GPHN: variants seen among roughly 807,000 people sequenced by gnomAD.
GPHN encodes the protein gephyrin.
A neutral mutation model predicts 95.5 loss-of-function variants in GPHN; 17 were observed. The observed-to-expected ratio is 0.18, with a 90% CI of 0.12 to 0.27. The LOEUF is 0.27. Among genes scored for constraint, GPHN ranks in the 10% least tolerant of loss-of-function variants. GPHN has a pLI of 1.00. For synonymous variants in GPHN, 320 were observed against 322.5 expected, an observed-to-expected ratio of 0.99 and a Z score of 0.08; for missense variants, 660 against 978.1, an observed-to-expected ratio of 0.67 and a Z score of 4.34.
At chr14:67,193,098 AT>A in the GPHN span, among the ~76,000 whole-genome samples, 2 of 144,272 alleles carry the variant, frequency 1.4e-5, no homozygotes, top group Non-Finnish European at 3.0e-5. Context: ...ATATCTCTAT[AT>A]ATCTCTATAT....
intron 3 of GPHN, among the ~76,000 whole-genome samples, chr14:66,810,982 A>G (rs1439786198): frequency 6.6e-6 from 1 of 152,250 alleles, no homozygotes; most frequent in African/African-American, 2.4e-5. Flanking sequence ...TGAAAAACTA[A>G]AAGTAGTTTT....
the GPHN span, among the ~76,000 whole-genome samples, chr14:67,567,710 A>T: frequency 1.3e-5 from 2 of 151,912 alleles, no homozygotes; most frequent in Non-Finnish European, 2.9e-5. Flanking sequence ...CCCCTCTGGG[A>T]TGACACCCTG....
intron 2 of GPHN, among the ~76,000 whole-genome samples, chr14:66,771,916 C>G (rs956816333): frequency 3.9e-5 from 6 of 152,042 alleles, no homozygotes; most frequent in Non-Finnish European, 8.8e-5. Context: ...TGACCACAGG[C>G]TTGCAGCAAT....
intron 16 of GPHN, among the ~76,000 whole-genome samples, chr14:67,120,634 T>C (rs1481722326): frequency 2.6e-5 from 4 of 152,222 alleles, no homozygotes; most frequent in Non-Finnish European, 5.9e-5. Context: ...AAAAATGATA[T>C]AATCACACAT....
chr14:67,545,289 T>A, the GPHN span, among the ~76,000 whole-genome samples: 1 of 152,236 alleles, frequency 6.6e-6, no homozygotes. Flanking sequence ...AGAAGGTTTG[T>A]ACATTTCTAC....
the GPHN span, among the ~76,000 whole-genome samples, chr14:67,436,643 C>A: frequency 6.6e-6 from 1 of 152,220 alleles, no homozygotes; most frequent in Non-Finnish European, 1.5e-5. Flanking sequence ...CTGCCACGCC[C>A]AGTCCTTCCA....
chr14:67,335,772 G>A, the GPHN span: 10 of 152,562 alleles, frequency 6.6e-5, no homozygotes, highest in Admixed American at 5.2e-4. Context: ...ACTGTACACT[G>A]TATTGTAAAA....
chr14:67,586,266 G>C, the GPHN span: 4 of 1,084,650 alleles, frequency 3.7e-6, no homozygotes, highest in African/African-American at 3.1e-5. Flanking sequence ...TTGCATCTCC[G>C]TATCAATGTT....
chr14:67,474,260 C>CAA, the GPHN span, among the ~76,000 whole-genome samples: 39 of 107,596 alleles, frequency 3.6e-4, no homozygotes, highest in African/African-American at 1.5e-3. Flanking sequence ...TCCAAAAAAA[C>CAA]AAAACAAAAA....
the GPHN span, chr14:67,302,311 G>T: frequency 3.7e-6 from 4 of 1,091,536 alleles, no homozygotes; most frequent in Non-Finnish European, 4.9e-6. Flanking sequence ...GATAACTGAA[G>T]GTTAGTATTG....
At chr14:66,567,464 C>T (rs1001241987) in intron 1 of GPHN, among the ~76,000 whole-genome samples, 1 of 152,022 alleles carries the variant, frequency 6.6e-6, no homozygotes, top group Non-Finnish European at 1.5e-5. Flanking sequence ...TTTAAAATTC[C>T]CTAGGGATTT....
At chr14:67,354,170 T>C in the GPHN span, among the ~76,000 whole-genome samples, 1 of 152,210 alleles carries the variant, frequency 6.6e-6, no homozygotes, top group Non-Finnish European at 1.5e-5. Context: ...TTTCCAATAA[T>C]GTAGATTTCT....
chr14:67,025,466 TGA>T (rs2073877548), intron 10 of GPHN, among the ~76,000 whole-genome samples: 1 of 152,156 alleles, frequency 6.6e-6, no homozygotes, highest in African/African-American at 2.4e-5. Context: ...GTTTTGTTAG[TGA>T]GAGTCTTGCT....
At chr14:66,893,147 A>AT (rs1228678043) in intron 5 of GPHN, among the ~76,000 whole-genome samples, 2 of 152,202 alleles carry the variant, frequency 1.3e-5, no homozygotes, top group Non-Finnish European at 2.9e-5. Flanking sequence ...TCATAGCTTC[A>AT]TAACAGATTT....
At chr14:67,436,861 G>A in the GPHN span, among the ~76,000 whole-genome samples, 1 of 152,164 alleles carries the variant, frequency 6.6e-6, no homozygotes, top group Non-Finnish European at 1.5e-5. Flanking sequence ...TTTGAGACCA[G>A]CCTAGGCAAC....
chr14:67,327,679 C>T, the GPHN span, among the ~76,000 whole-genome samples: 1 of 151,986 alleles, frequency 6.6e-6, no homozygotes, highest in Non-Finnish European at 1.5e-5. Flanking sequence ...GTGATGTTCC[C>T]CACCCTGTGT....
chr14:67,468,283 A>G, the GPHN span, among the ~76,000 whole-genome samples: 1 of 152,050 alleles, frequency 6.6e-6, no homozygotes, highest in Admixed American at 6.5e-5. Context: ...CAGTGTTTCA[A>G]TTTGTAAGAC....
At chr14:66,990,864 T>A (rs1011353610) in intron 9 of GPHN, among the ~76,000 whole-genome samples, 1 of 151,584 alleles carries the variant, frequency 6.6e-6, no homozygotes, top group African/African-American at 2.4e-5. Flanking sequence ...TAAATAAAAA[T>A]TAAAATATTT....
At chr14:67,557,373 C>A in the GPHN span, 4 of 1,613,752 alleles carry the variant, frequency 2.5e-6, no homozygotes, top group Non-Finnish European at 3.4e-6. Context: ...CCATAAAGGG[C>A]AAAGATGAGC....
Sources: allele counts gnomAD v4.1 joint callset (sites outside exome capture counted in the v4.1 genomes callset), GRCh38; gene constraint gnomAD v4.1.1; transcripts MANE v1.5; gene names NCBI Gene and HGNC (gene_info 2026-07-23, HGNC 2026-07-21).